The following CELF2 variants were observed in gnomAD, a reference collection of about 807,000 sequenced individuals.
CELF2 encodes CUGBP Elav-like family member 2.
CELF2 carries 8 observed loss-of-function variants against 62.6 expected under a neutral mutation model. The ratio of observed to expected loss-of-function variants is 0.13; its 90% CI spans 0.07 to 0.23. The LOEUF (loss-of-function observed/expected upper bound fraction) is 0.23, where lower values mean the gene tolerates loss of function less well. CELF2 is among the 10% of genes least tolerant of loss of function. The pLI, the probability that CELF2 is intolerant of heterozygous loss-of-function variation, is 1.00. For missense variants in CELF2, 333 were observed against 671.0 expected (o/e 0.50, Z 5.56); for synonymous variants, 258 against 250.0 (o/e 1.03, Z -0.30).
intron 3 of CELF2, among the ~76,000 whole-genome samples, chr10:11,218,528 A>C (rs1487735674): frequency 6.6e-6 from 1 of 152,232 alleles, no homozygotes; most frequent in Non-Finnish European, 1.5e-5. Flanking sequence ...TTCACAATAC[A>C]AGATCGTAGT....
intron 1 of CELF2, among the ~76,000 whole-genome samples, chr10:10,858,083 A>G (rs2059851185): frequency 6.6e-6 from 1 of 152,186 alleles, no homozygotes; most frequent in Admixed American, 6.6e-5. Flanking sequence ...GCAGTGGGCT[A>G]AATTTTAGTG....
chr10:11,292,991 C>T lies in CELF2; in HGVS notation c.976+4439C>T, dbSNP rs564728248. ...TGGCCCCTTCCCTCTGTCTGTCTTA[C>T]ACACTGTTGGCAACTGCGGTCTAGA... On this transcript the variant is annotated intron_variant, in intron 9 of 12. Transcript: ENST00000633077. Among the ~76,000 whole-genome samples, 14 of 152,310 alleles carry T rather than the reference C, an allele frequency of 9.2e-5. No individual in the cohort carries two copies. The South Asian group carries it at 1.2e-3, about 14-fold the overall frequency.
chr10:10,950,258 A>G (rs2048173372), intron 2 of CELF2, among the ~76,000 whole-genome samples: 1 of 152,058 alleles, frequency 6.6e-6, no homozygotes. Flanking sequence ...ATTACTAAGA[A>G]GAACCCAGTG....
intron 1 of CELF2, among the ~76,000 whole-genome samples, chr10:10,880,591 T>A (rs961580859): frequency 6.6e-6 from 1 of 152,066 alleles, no homozygotes; most frequent in Non-Finnish European, 1.5e-5. Flanking sequence ...CTAAAATATG[T>A]TGAGCATATG....
the CELF2 span, among the ~76,000 whole-genome samples, chr10:10,670,165 G>A: frequency 2.0e-5 from 3 of 152,116 alleles, no homozygotes; most frequent in Admixed American, 6.6e-5. Flanking sequence ...GCCTCCCAAA[G>A]TGCTGAGATT....
chr10:10,696,595 C>G, the CELF2 span, among the ~76,000 whole-genome samples: 1 of 151,966 alleles, frequency 6.6e-6, no homozygotes, highest in Non-Finnish European at 1.5e-5. Flanking sequence ...GGCGCCCCTC[C>G]CCCAGCCTCG....
chr10:10,849,251 A>C (rs562537809), intron 1 of CELF2, among the ~76,000 whole-genome samples: 1 of 151,698 alleles, frequency 6.6e-6, no homozygotes, highest in South Asian at 2.1e-4. Context: ...ACAAAAAAAA[A>C]AAAAACAAAT....
chr10:10,875,220 T>G (rs948351569), intron 1 of CELF2, among the ~76,000 whole-genome samples: 1 of 152,344 alleles, frequency 6.6e-6, no homozygotes, highest in African/African-American at 2.4e-5. Context: ...CCAGCAGAAG[T>G]ATAATTCAAT....
In CELF2 at chr10:10,919,226, C is replaced by T. The variant is rs147123482; in HGVS notation, c.54-738C>T. The stretch of plus-strand genomic sequence containing the variant: ...CAGAGTTTGCAGTGAGCTGAGATCA[C>T]GCCAGTGTACTCTAGCCTGGGCAAA... On this transcript the variant is annotated intron_variant, in intron 1 of 13. Transcript: ENST00000636488. 4.0e-3 allele frequency among the ~76,000 whole-genome samples: 604 copies of T among 151,394 alleles called. 5 individuals are homozygous for T. Among genetic ancestry groups the T allele is most frequent in the African/African-American group, 0.01 (429 of 41,210 alleles).
intron 2 of CELF2, among the ~76,000 whole-genome samples, chr10:10,949,708 T>C (rs1242966561): frequency 6.7e-6 from 1 of 150,292 alleles, no homozygotes; most frequent in Non-Finnish European, 1.5e-5. Flanking sequence ...AGCTGAGGCA[T>C]GAGAACCACC....
chr10:10,723,876 A>C, the CELF2 span, among the ~76,000 whole-genome samples: 3 of 152,208 alleles, frequency 2.0e-5, no homozygotes, highest in Admixed American at 2.0e-4. Context: ...GGGAGCCCCA[A>C]ATATTACTAT....
chr10:10,463,958 T>TA, the CELF2 span, among the ~76,000 whole-genome samples: 79,676 of 143,238 alleles, frequency 0.56, 21,688 homozygotes, highest in Admixed American at 0.64. Flanking sequence ...AACCTTTTTC[T>TA]AAAAAAAAAA....
the CELF2 span, among the ~76,000 whole-genome samples, chr10:10,728,552 C>A: frequency 6.6e-6 from 1 of 151,824 alleles, no homozygotes; most frequent in Non-Finnish European, 1.5e-5. Context: ...ACTGTGCCAG[C>A]TGCTCTGGAG....
chr10:10,698,262 A>G, the CELF2 span, among the ~76,000 whole-genome samples: 1 of 152,292 alleles, frequency 6.6e-6, no homozygotes, highest in South Asian at 2.1e-4. Flanking sequence ...AAGCCAATGG[A>G]ATCGATTAAT....
the CELF2 span, among the ~76,000 whole-genome samples, chr10:10,594,032 A>C: frequency 1.3e-5 from 2 of 152,238 alleles, no homozygotes; most frequent in Admixed American, 6.5e-5. Context: ...ATGGATTTGC[A>C]GATGATGGGC....
the CELF2 span, among the ~76,000 whole-genome samples, chr10:10,474,200 A>C: frequency 6.6e-6 from 1 of 151,928 alleles, no homozygotes; most frequent in African/African-American, 2.4e-5. Flanking sequence ...CCCAGTTCTT[A>C]AGGAGGCAGA....
chr10:10,901,302 G>T (rs1182740974), intron 1 of CELF2, among the ~76,000 whole-genome samples: 1 of 152,146 alleles, frequency 6.6e-6, no homozygotes, highest in Admixed American at 6.5e-5. Flanking sequence ...GGACAGTGTG[G>T]TCTTGACACA....
intron 2 of CELF2, chr10:10,935,543 G>A (rs957540377): frequency 2.6e-5 from 4 of 152,254 alleles, no homozygotes; most frequent in South Asian, 4.1e-4. Flanking sequence ...GTTGAGCCAC[G>A]AGGACTTCAC....
rs2065394533 is a variant in CELF2 at position 10,925,691 on chromosome 10, G to A, written c.89+5692G>A. Among the ~76,000 whole-genome samples the A allele has an allele frequency of 4.6e-5, 7 of 152,242 alleles. 1 individual carries two copies. Among genetic ancestry groups the A allele is most frequent in the Middle Eastern group, 6.8e-3 (2 of 294 alleles). On this transcript the variant is annotated intron_variant, in intron 2 of 13. Transcript: ENST00000636488. ...TTCTGAGCAGGACTGGAGCGAGTGG[G>A]TCAGAGTGGGTAAGTACAGGCCAGG...
Sources: allele counts gnomAD v4.1 joint callset (sites outside exome capture counted in the v4.1 genomes callset), GRCh38; gene constraint gnomAD v4.1.1; transcripts MANE v1.5; gene names NCBI Gene and HGNC (gene_info 2026-07-23, HGNC 2026-07-21).